The following KIAA0586 variants were observed in gnomAD, a reference collection of about 807,000 sequenced individuals.
The protein encoded by KIAA0586 is KIAA0586, also known as protein TALPID3.
In KIAA0586, 144 loss-of-function variants were observed where a neutral mutation model predicts 169.8. That is an observed-to-expected ratio of 0.85 (90% CI 0.74 to 0.97). The LOEUF (loss-of-function observed/expected upper bound fraction) is 0.97. Ranked by LOEUF, KIAA0586 falls within the 50% of genes least tolerant of loss-of-function variation. KIAA0586 has a pLI of 0.00. For synonymous variants in KIAA0586, 625 were observed against 612.4 expected (o/e 1.02, Z -0.30); for missense variants, 1,854 against 1,823.0 (o/e 1.02, Z -0.31).
chr14:58,497,970 C>T (rs1191543612), intron 26 of KIAA0586, among the ~76,000 whole-genome samples: 7 of 150,636 alleles, frequency 4.6e-5, no homozygotes, highest in South Asian at 2.1e-4. Flanking sequence ...CTCCACCTCC[C>T]GGGTTCACAC....
At chr14:58,534,288 T>G (rs964964363) in intron 29 of KIAA0586, among the ~76,000 whole-genome samples, 1 of 152,194 alleles carries the variant, frequency 6.6e-6, no homozygotes, top group African/African-American at 2.4e-5. Flanking sequence ...AATAGTGACC[T>G]TCTCTAACAG....
At chr14:58,512,714 T>C in intron 29 of KIAA0586, 87 bp downstream of exon 29, 1 of 717,968 alleles carries the variant, frequency 1.4e-6, no homozygotes. Flanking sequence ...TTTTTATACA[T>C]CCCACTGCTC....
Position 58,548,178 on chromosome 14 carries a change from G to A in KIAA0586, c.*246G>A. On this transcript the variant is annotated 3_prime_UTR_variant, in exon 31 of 31. Coordinates refer to ENST00000652326, the MANE Select transcript of KIAA0586 (RefSeq NM_001329943.3). ...CCTGAGATAGCATAGAGTAGTGAAA[G>A]GGCATGGCTTTTGACATCTAGGCAT... is the stretch of plus-strand genomic sequence containing the variant. The A allele has an allele frequency of 2.6e-6, 1 of 386,544 alleles. No individual in the cohort carries two copies. The highest frequency in any genetic ancestry group is 2.1e-5 in the African/African-American group (1 of 48,428). 23.9% of individuals were successfully genotyped at this position (386,544 alleles called of 1,614,324 possible).
rs1338307840 is a variant in KIAA0586, at chr14:58,430,714, A to C, written c.337A>C (p.Lys113Gln). The C allele has an allele frequency of 1.3e-6, 2 of 1,564,998 alleles. No homozygotes were observed. Among genetic ancestry groups the C allele is most frequent in the Non-Finnish European group, 1.8e-6 (2 of 1,140,272 alleles). ...TAAAATAGAAGAGAACAACAAGCAA[A>C]AAGGTAAAAGAATAATATTGATTTT... Reference protein sequence around the residue: ...LDKIEENNKQKANDIFISQYT... With the variant: ...LDKIEENNKQQANDIFISQYT... The change falls in exon 3 of 31, where the codon AAA becomes CAA. Residue 113 changes from lysine to glutamine, a missense_variant. Lys to Gln is a moderately conservative substitution (Grantham distance 53, BLOSUM62 1). Transcript: ENST00000652326.
At chr14:58,431,225 T>C (rs2037338634) in intron 3 of KIAA0586, among the ~76,000 whole-genome samples, 1 of 152,248 alleles carries the variant, frequency 6.6e-6, no homozygotes, top group Admixed American at 6.5e-5. Flanking sequence ...GTTATCTTGT[T>C]ATTACCAACC....
At chr14:58,558,783 G>A in the KIAA0586 span, among the ~76,000 whole-genome samples, 10 of 152,200 alleles carry the variant, frequency 6.6e-5, no homozygotes, top group South Asian at 2.1e-4. Flanking sequence ...AGTCTTTCCC[G>A]TTAGGTTTAT....
At chr14:58,445,687 G>A (rs1223712130) in intron 6 of KIAA0586, among the ~76,000 whole-genome samples, 1 of 151,160 alleles carries the variant, frequency 6.6e-6, no homozygotes, top group Non-Finnish European at 1.5e-5. Flanking sequence ...ACCCATCATG[G>A]CCTCCCAAAG....
chr14:58,554,615 T>C (rs979164539), downstream of KIAA0586, among the ~76,000 whole-genome samples: 1 of 152,180 alleles, frequency 6.6e-6, no homozygotes, highest in Admixed American at 6.6e-5. Context: ...TTAACACTGG[T>C]GGCAAAACAT....
intron 29 of KIAA0586, among the ~76,000 whole-genome samples, chr14:58,538,417 T>A (rs972896209): frequency 1.3e-5 from 2 of 152,146 alleles, no homozygotes; most frequent in Admixed American, 1.3e-4. Context: ...AAAATTTTTT[T>A]AATTTTTAGT....
In KIAA0586 at chr14:58,450,778, A is replaced by G. The variant is rs774480228; in HGVS notation, c.1129+32A>G. 2.9e-6 allele frequency: 4 copies of G among 1,401,952 alleles called. No individual in the cohort carries two copies. The East Asian group carries it at 6.9e-5, about 24-fold the overall frequency. 86.8% of individuals were successfully genotyped at this position (1,401,952 alleles called of 1,614,324 possible). A position where few individuals can be genotyped will look rare whatever the true frequency, so the allele number is the denominator to read the frequency against. ...GAGACTTTTACTAGACCTATCCCAA[A>G]TTAGGAAATTGTCATGAGATTTTCT... On this transcript the variant is annotated intron_variant, in intron 8 of 30. Transcript: ENST00000652326.
chr14:58,510,362 C>T (rs1378189244), intron 28 of KIAA0586, among the ~76,000 whole-genome samples: 1 of 152,120 alleles, frequency 6.6e-6, no homozygotes, highest in African/African-American at 2.4e-5. Context: ...AGCAAAACTC[C>T]TTCTTGAAAA....
chr14:58,490,915 T>C (rs1299064345), intron 25 of KIAA0586, among the ~76,000 whole-genome samples: 1 of 152,188 alleles, frequency 6.6e-6, no homozygotes, highest in African/African-American at 2.4e-5. Flanking sequence ...GCTGTTTTTT[T>C]AAGTTATTTC....
At chr14:58,515,231 T>C (rs1451478208) in intron 29 of KIAA0586, among the ~76,000 whole-genome samples, 1 of 152,128 alleles carries the variant, frequency 6.6e-6, no homozygotes, top group African/African-American at 2.4e-5. Context: ...ATTTGTAGAT[T>C]ACACGTTACT....
Position 58,472,179 on chromosome 14 carries a change from T to G in KIAA0586, c.2554-20T>G. The G allele has an allele frequency of 6.9e-7, 1 of 1,450,118 alleles. No individual in the cohort carries two copies. Among genetic ancestry groups the G allele is most frequent in the Non-Finnish European group, 9.3e-7 (1 of 1,071,290 alleles). The allele number at this position is 1,450,118 out of a possible 1,614,324, so 89.8% of individuals were successfully genotyped here. On this transcript the variant is annotated intron_variant, in intron 17 of 30. Transcript: ENST00000652326. ...AAAAGTGTTAAGCACAACAAAAACT[T>G]TCTGAAAATGCTTTCTTAGACTCCA...
At chr14:58,440,461 A>G (rs962466723) in intron 4 of KIAA0586, among the ~76,000 whole-genome samples, 1 of 152,150 alleles carries the variant, frequency 6.6e-6, no homozygotes, top group Admixed American at 6.5e-5. Context: ...CCTCCTGAGT[A>G]GCTGGTATTA....
chr14:58,486,925 C>T lies in KIAA0586; in HGVS notation c.3145-82C>T, dbSNP rs879755375. ...GCCATCAATTTAAATTATATATAGTCTATGAATGAGTTCATATTATTTTCA... is the reference window on the plus strand; with the variant it reads ...GCCATCAATTTAAATTATATATAGTTTATGAATGAGTTCATATTATTTTCA... On this transcript the variant is annotated intron_variant, in intron 21 of 30. Coordinates refer to ENST00000652326, the MANE Select transcript of KIAA0586 (RefSeq NM_001329943.3). 6.3e-6 allele frequency: 7 copies of T among 1,112,614 alleles called. No homozygotes were observed. In the Admixed American group the frequency reaches 1.4e-4, roughly 22 times the overall value. 68.9% of individuals were successfully genotyped at this position (1,112,614 alleles called of 1,614,324 possible).
chr14:58,452,831 G>A (rs935257254), intron 8 of KIAA0586, among the ~76,000 whole-genome samples: 4 of 147,044 alleles, frequency 2.7e-5, no homozygotes. Flanking sequence ...GCGCCTGGTT[G>A]TGGTATAGTT....
intron 27 of KIAA0586, among the ~76,000 whole-genome samples, chr14:58,506,532 C>G (rs534791623): frequency 5.3e-5 from 8 of 151,818 alleles, no homozygotes; most frequent in Non-Finnish European, 1.0e-4. Flanking sequence ...ACTAAAAATA[C>G]AAAAATTAGA....
intron 26 of KIAA0586, 44 bp from the exon 27 acceptor site, chr14:58,498,739 G>C (rs1465869279): frequency 6.6e-7 from 1 of 1,524,250 alleles, no homozygotes; most frequent in Admixed American, 2.1e-5. Context: ...GTTTTGACTT[G>C]ATTTTAATAT....
Sources: gnomAD v4.1 joint callset for allele counts (sites outside exome capture counted in the v4.1 genomes callset) on GRCh38, gnomAD v4.1.1 for gene constraint, MANE v1.5 for transcripts, NCBI Gene and HGNC (gene_info 2026-07-23, HGNC 2026-07-21) for gene names.